Variants in RREB1 observed in about 807,000 individuals in gnomAD.
RREB1 encodes the protein ras-responsive element-binding protein 1.
In RREB1, 27 loss-of-function variants were observed where a neutral mutation model predicts 117.8. That is an observed-to-expected ratio of 0.23 (90% CI 0.17 to 0.32). The LOEUF (loss-of-function observed/expected upper bound fraction) is 0.32, where lower values mean the gene tolerates loss of function less well. Among genes scored for constraint, RREB1 ranks in the 10% least tolerant of loss-of-function variants. The pLI is 1.00. For synonymous variants in RREB1, 1,298 were observed against 1,026.7 expected, an observed-to-expected ratio of 1.26 and a Z score of -5.05; for missense variants, 2,577 against 2,378.2, an observed-to-expected ratio of 1.08 and a Z score of -1.74.
chr6:7,246,468 C>A lies in RREB1; in HGVS notation c.4018C>A (p.Leu1340Ile). ...AETAAAAGEV[L>I]DLTSRDREQP... The stretch of plus-strand genomic sequence containing the variant: ...GACTGCAGCCGCCGCGGGCGAAGTG[C>A]TAGACCTCACCTCACGGGACAGAGA... Residue 1340 changes from leucine (L) to isoleucine (I), a missense_variant, in exon 12 of 13, where the codon CTA becomes ATA. Physicochemically the swap from Leu to Ile is conservative, Grantham distance 5 (BLOSUM62 2). Coordinates refer to ENST00000379938, the MANE Select transcript of RREB1 (RefSeq NM_001003699.4). The A allele has an allele frequency of 6.5e-7, 1 of 1,534,118 alleles. No homozygotes were observed. Among genetic ancestry groups the A allele is most frequent in the Non-Finnish European group, 8.8e-7 (1 of 1,138,900 alleles).
intron 1 of RREB1, among the ~76,000 whole-genome samples, chr6:7,118,097 T>G (rs1319493486): frequency 2.0e-5 from 3 of 152,234 alleles, no homozygotes; most frequent in Non-Finnish European, 2.9e-5. Context: ...GGCTCATATA[T>G]TTTCCTCTTC....
Position 7,231,559 on chromosome 6 carries a change from G to A in RREB1, c.3460G>A (p.Gly1154Ser). Residue 1154 changes from glycine to serine, a missense_variant, in exon 10 of 13, where the codon GGC (glycine) becomes AGC (serine). By Grantham distance (56) the Gly-to-Ser change is moderately conservative. Coordinates refer to ENST00000379938, the MANE Select transcript of RREB1 (RefSeq NM_001003699.4). The stretch of plus-strand genomic sequence containing the variant: ...CCCAGCGGGCACGTCGAAGAAGAGG[G>A]GCCGGAAAAGGGGGATGAGGAGCCG... Reference protein sequence around the residue: ...QGPAGTSKKRGRKRGMRSRPR... With the variant: ...QGPAGTSKKRSRKRGMRSRPR... The A allele has an allele frequency of 6.2e-7, 1 of 1,610,634 alleles. No individual in the cohort carries two copies. Among genetic ancestry groups the A allele is most frequent in the South Asian group, 1.1e-5 (1 of 90,926 alleles).
chr6:7,229,907 A>T lies in RREB1; in HGVS notation c.1808A>T (p.Glu603Val). Reference protein sequence around the residue: ...KTQLEQDSIIEALLPLSMEAK... With the variant: ...KTQLEQDSIIVALLPLSMEAK... Reference sequence around the variant, plus strand: ...CAGCTGGAGCAGGACAGCATCATCGAGGCCCTGCTGCCGCTGAGCATGGAG... The same window carrying T: ...CAGCTGGAGCAGGACAGCATCATCGTGGCCCTGCTGCCGCTGAGCATGGAG... Residue 603 changes from glutamate (E) to valine (V), a missense_variant, in exon 10 of 13, where the codon GAG (glutamate) becomes GTG (valine). Glu to Val is a moderately radical substitution (Grantham distance 121). Transcript: ENST00000379938. The surrounding 1 kb of genome is among the most constrained non-coding windows in gnomAD (Gnocchi z 4.5). The T allele has an allele frequency of 6.2e-7, 1 of 1,601,204 alleles. No individual in the cohort carries two copies. Among genetic ancestry groups the T allele is most frequent in the Non-Finnish European group, 8.5e-7 (1 of 1,170,688 alleles).
At chr6:7,112,281 A>G (rs1054945027) in intron 1 of RREB1, among the ~76,000 whole-genome samples, 1 of 152,178 alleles carries the variant, frequency 6.6e-6, no homozygotes, top group Non-Finnish European at 1.5e-5. Context: ...TTGAAATCTA[A>G]TTGAAGCCAT....
chr6:7,220,335 G>A (rs931359732), intron 8 of RREB1, among the ~76,000 whole-genome samples: 1 of 152,204 alleles, frequency 6.6e-6, no homozygotes, highest in African/African-American at 2.4e-5. Context: ...AGCAGCTCCT[G>A]TAAGTTGAGG....
At chr6:7,122,826 G>A (rs941299043) in intron 1 of RREB1, among the ~76,000 whole-genome samples, 2 of 152,114 alleles carry the variant, frequency 1.3e-5, no homozygotes, top group African/African-American at 4.8e-5. Context: ...AATACAGCAT[G>A]CTAGATAATT....
chr6:7,189,464 G>T, intron 6 of RREB1, 142 bp downstream of exon 6: 1 of 781,404 alleles, frequency 1.3e-6, no homozygotes, highest in Non-Finnish European at 2.0e-6. Context: ...AAAAACCAGA[G>T]ATGCACACTA....
chr6:7,230,628 G>C lies in RREB1; in HGVS notation c.2529G>C (p.Gly843=). The change falls in exon 10 of 13, where the codon GGG becomes GGC. Residue 843 remains glycine (G), a synonymous_variant. Transcript: ENST00000379938. ...AGGCGCCGGCCGCTGAGGCGTCGGG[G>C]CGCGGGGAGGACAGTGGCTGCGCTG... ...PAEAPAAEAS[G]RGEDSGCAAL... is the part of the protein sequence containing the mutation. The C allele has an allele frequency of 6.2e-7, 1 of 1,604,306 alleles. No homozygotes were observed. Among genetic ancestry groups the C allele is most frequent in the Non-Finnish European group, 8.5e-7 (1 of 1,175,756 alleles).
At chr6:7,217,086 G>A (rs1347800596) in intron 8 of RREB1, 2 of 152,348 alleles carry the variant, frequency 1.3e-5, no homozygotes, top group Non-Finnish European at 2.9e-5. Flanking sequence ...CCCTGTCACA[G>A]GGCCATCACT....
chr6:7,126,296 G>A (rs571399351), intron 1 of RREB1, among the ~76,000 whole-genome samples: 56 of 151,156 alleles, frequency 3.7e-4, no homozygotes, highest in East Asian at 7.8e-4. Flanking sequence ...CACTGCGCCC[G>A]GCCTCGATTC....
At chr6:7,119,757 A>G (rs1467908457) in intron 1 of RREB1, among the ~76,000 whole-genome samples, 1 of 152,176 alleles carries the variant, frequency 6.6e-6, no homozygotes, top group Non-Finnish European at 1.5e-5. Context: ...ATTTTTAAAG[A>G]TTATTCCTAC....
chr6:7,173,613 A>T (rs963202348), intron 1 of RREB1, among the ~76,000 whole-genome samples: 1 of 152,116 alleles, frequency 6.6e-6, no homozygotes, highest in Non-Finnish European at 1.5e-5. Context: ...CCTGGGCAAC[A>T]TGGCAAAACC....
At chr6:7,231,997 A>G (rs1259558338) in intron 10 of RREB1, 90 bp downstream of exon 10, 23 of 1,316,630 alleles carry the variant, frequency 1.7e-5, no homozygotes, top group Non-Finnish European at 2.1e-6. Context: ...CCCATCTCCC[A>G]CAGTTCCAGT....
At chr6:7,174,606 A>G (rs1764409841) in intron 1 of RREB1, among the ~76,000 whole-genome samples, 1 of 152,104 alleles carries the variant, frequency 6.6e-6, no homozygotes, top group Non-Finnish European at 1.5e-5. Context: ...AAGTGTGTTT[A>G]TTTATTGTAT....
intron 1 of RREB1, among the ~76,000 whole-genome samples, chr6:7,172,911 G>T (rs1370102529): frequency 6.6e-6 from 1 of 152,168 alleles, no homozygotes; most frequent in African/African-American, 2.4e-5. Flanking sequence ...GTTTGATTCT[G>T]TCCCCAGCCT....
At position 7,138,387 on chromosome 6, in the gene RREB1, T is replaced by C. The variant is rs77924882; in HGVS notation, c.-285+30327T>C. Reference sequence around the variant, plus strand: ...TACGTTGAACATTTTGAAGTTTCATTCTGAAGGATCTGAAAGACACTTGAA... The same window carrying C: ...TACGTTGAACATTTTGAAGTTTCATCCTGAAGGATCTGAAAGACACTTGAA... On this transcript the variant is annotated intron_variant, in intron 1 of 12. Coordinates refer to ENST00000379938, the MANE Select transcript of RREB1 (RefSeq NM_001003699.4). 4.5e-3 allele frequency among the ~76,000 whole-genome samples: 678 copies of C among 152,340 alleles called. 6 individuals carry two copies. The highest frequency in any genetic ancestry group is 0.017 in the Middle Eastern group (5 of 294).
chr6:7,240,364 AATAAACAAAAGCGACTTTT>A, intron 10 of RREB1, 55 bp from the exon 11 acceptor site: 5 of 1,288,936 alleles, frequency 3.9e-6, no homozygotes, highest in Non-Finnish European at 5.5e-6. Flanking sequence ...ATCCCAGGAG[AATAAACAAAAGCGACTTTT>A]CTATTTCATT....
chr6:7,185,340 C>T (rs145513383), intron 4 of RREB1: 3,606 of 152,274 alleles, frequency 0.024, 66 homozygotes, highest in Non-Finnish European at 0.037. Context: ...GAAGCTGAGG[C>T]GGGTGGATCA....
At chr6:7,134,754 C>T (rs1375990327) in intron 1 of RREB1, among the ~76,000 whole-genome samples, 4 of 152,148 alleles carry the variant, frequency 2.6e-5, no homozygotes, top group African/African-American at 9.7e-5. Flanking sequence ...CCCTGGAGGG[C>T]CCCTGCCCTA....
Sources: gnomAD v4.1 joint callset for allele counts (sites outside exome capture counted in the v4.1 genomes callset) on GRCh38, gnomAD v4.1.1 for gene constraint, Gnocchi (gnomAD v3.1) non-coding constraint, MANE v1.5 for transcripts, NCBI Gene and HGNC (gene_info 2026-07-23, HGNC 2026-07-21) for gene names.